Variants in GRID1 observed in about 807,000 individuals in gnomAD.
GRID1 encodes the protein glutamate receptor ionotropic, delta-1.
Under a neutral mutation model 98.0 loss-of-function variants are expected in GRID1, and 28 were observed. The observed-to-expected ratio is 0.29, with a 90% CI of 0.21 to 0.39. GRID1 has a LOEUF of 0.39. Ranked by LOEUF, GRID1 falls within the 10% of genes least tolerant of loss-of-function variation. The probability of loss-of-function intolerance (pLI) is 1.00; values close to 1 mark genes in which losing one functional copy is unlikely to be tolerated. For synonymous variants in GRID1, 553 were observed against 538.5 expected (o/e 1.03, Z -0.37); for missense variants, 1,111 against 1,340.5 (o/e 0.83, Z 2.67).
chr10:86,366,379 G>A lies in GRID1; in HGVS notation c.14C>T (p.Thr5Met). Reference protein sequence around the residue: MEALTLWLLPWICQC... With the variant: MEALMLWLLPWICQC... Reference sequence around the variant, plus strand: ...GCATATCCAGGGGAGAAGCCACAGCGTCAGCGCTTCCATGTCCCCCGGGCG... The same window carrying A: ...GCATATCCAGGGGAGAAGCCACAGCATCAGCGCTTCCATGTCCCCCGGGCG... The change falls in exon 1 of 16, where the codon ACG becomes ATG. Residue 5 changes from threonine (T) to methionine (M), a missense_variant. Transcript: ENST00000327946. This position sits in a 1 kb window ranked among gnomAD's most constrained non-coding sequence, Gnocchi z 4.1. The A allele has an allele frequency of 6.6e-7, 1 of 1,511,300 alleles. No homozygotes were observed. Among genetic ancestry groups the A allele is most frequent in the Non-Finnish European group, 8.9e-7 (1 of 1,127,106 alleles). 93.6% of individuals were successfully genotyped at this position (1,511,300 alleles called of 1,614,324 possible). A position where few individuals can be genotyped will look rare whatever the true frequency, so the allele number is the denominator to read the frequency against.
intron 2 of GRID1, among the ~76,000 whole-genome samples, chr10:86,303,999 C>T (rs935301855): frequency 1.3e-5 from 2 of 152,200 alleles, no homozygotes; most frequent in African/African-American, 2.4e-5. Context: ...ATGGTTTTTC[C>T]TATCTCCATC....
At chr10:85,798,984 G>A (rs1184381608) in intron 8 of GRID1, among the ~76,000 whole-genome samples, 1 of 151,806 alleles carries the variant, frequency 6.6e-6, no homozygotes. Context: ...CATAGTTTGG[G>A]GGTCTAACAT....
intron 4 of GRID1, among the ~76,000 whole-genome samples, chr10:86,027,333 A>C (rs1390598529): frequency 6.6e-6 from 1 of 152,186 alleles, no homozygotes; most frequent in Non-Finnish European, 1.5e-5. Flanking sequence ...TTTCATATTA[A>C]TGCAGTCATG....
chr10:86,114,199 G>A (rs577406899), intron 4 of GRID1, among the ~76,000 whole-genome samples: 12 of 152,184 alleles, frequency 7.9e-5, no homozygotes, highest in South Asian at 2.1e-4. Context: ...TGCAGTATAC[G>A]TTCCTGGCTC....
chr10:85,865,041 C>T (rs928827715), intron 6 of GRID1, among the ~76,000 whole-genome samples: 3 of 152,170 alleles, frequency 2.0e-5, no homozygotes, highest in Non-Finnish European at 2.9e-5. Context: ...GAGTACGTTA[C>T]AGATTCTCCT....
At chr10:85,920,031 C>T (rs1009497092) in intron 4 of GRID1, among the ~76,000 whole-genome samples, 1 of 152,114 alleles carries the variant, frequency 6.6e-6, no homozygotes, top group Non-Finnish European at 1.5e-5. Flanking sequence ...CCCAGAGTGC[C>T]ACGAAAACAA....
intron 12 of GRID1, among the ~76,000 whole-genome samples, chr10:85,663,861 T>C (rs944864470): frequency 6.6e-6 from 1 of 152,202 alleles, no homozygotes; most frequent in African/African-American, 2.4e-5. Context: ...CAAGGTAATG[T>C]TACTGTAGCA....
intron 2 of GRID1, among the ~76,000 whole-genome samples, chr10:86,228,356 GTCTGACCTTGC>G (rs899153178): frequency 6.6e-6 from 1 of 151,732 alleles, no homozygotes; most frequent in Admixed American, 6.6e-5. Context: ...ATCAGAGGAA[GTCTGACCTTGC>G]TCTGGCCTTG....
intron 4 of GRID1, among the ~76,000 whole-genome samples, chr10:86,096,131 T>C (rs912326072): frequency 2.0e-5 from 3 of 152,174 alleles, no homozygotes; most frequent in African/African-American, 4.8e-5. Context: ...CTCACTGATA[T>C]GTGGGAGCTA....
intron 3 of GRID1, among the ~76,000 whole-genome samples, chr10:86,182,206 G>A (rs1283251519): frequency 6.6e-6 from 1 of 152,190 alleles, no homozygotes; most frequent in East Asian, 1.9e-4. Flanking sequence ...CTTCCCCGTA[G>A]CCTAACCCTG....
At chr10:85,976,170 A>T (rs1842470061) in intron 4 of GRID1, among the ~76,000 whole-genome samples, 1 of 152,112 alleles carries the variant, frequency 6.6e-6, no homozygotes, top group Non-Finnish European at 1.5e-5. Context: ...TATTTTCTCT[A>T]ATTTGATTAT....
intron 2 of GRID1, among the ~76,000 whole-genome samples, chr10:86,219,013 G>T (rs1336804146): frequency 6.6e-6 from 1 of 152,202 alleles, no homozygotes; most frequent in African/African-American, 2.4e-5. Flanking sequence ...CAAACCATAG[G>T]CAATGGCAGC....
intron 8 of GRID1, among the ~76,000 whole-genome samples, chr10:85,743,244 C>A (rs1480015449): frequency 6.6e-6 from 1 of 151,922 alleles, no homozygotes; most frequent in Non-Finnish European, 1.5e-5. Flanking sequence ...TCCAGCCTTC[C>A]AATCACCTCT....
chr10:86,131,463 C>A (rs986492602), intron 4 of GRID1, among the ~76,000 whole-genome samples: 7 of 152,186 alleles, frequency 4.6e-5, no homozygotes, highest in African/African-American at 1.7e-4. Context: ...CACTCTGCTC[C>A]GCTATTTAAT....
chr10:86,191,307 C>T lies in GRID1; in HGVS notation c.520+15057G>A, dbSNP rs574426095. On this transcript the variant is annotated intron_variant, in intron 3 of 15. Coordinates refer to ENST00000327946, the MANE Select transcript of GRID1 (RefSeq NM_017551.3). ...AGAGGAAACTTCCAAAACAAGGAGA[C>T]GCTCAAATAAGTCTTGAGGATGGAG... is the stretch of plus-strand genomic sequence containing the variant. Among the ~76,000 whole-genome samples, 10 of 152,230 alleles carry T rather than the reference C, an allele frequency of 6.6e-5. No individual in the cohort carries two copies. In the South Asian group the frequency reaches 8.3e-4, roughly 13 times the overall value.
intron 4 of GRID1, among the ~76,000 whole-genome samples, chr10:86,022,683 C>T (rs936016734): frequency 1.3e-5 from 2 of 151,978 alleles, no homozygotes; most frequent in African/African-American, 4.8e-5. Flanking sequence ...TTTGGGAGGC[C>T]GAGGAGGGTA....
chr10:85,996,560 TA>T (rs1842740731), intron 4 of GRID1, among the ~76,000 whole-genome samples: 2 of 152,072 alleles, frequency 1.3e-5, no homozygotes. Context: ...AATATATTTT[TA>T]AAAATGAACA....
intron 4 of GRID1, among the ~76,000 whole-genome samples, chr10:85,987,284 G>T (rs1842620093): frequency 6.7e-6 from 1 of 150,064 alleles, no homozygotes; most frequent in East Asian, 2.0e-4. Flanking sequence ...CCTCACAAGA[G>T]GCCTTACCTC....
At chr10:85,902,133 C>G (rs1466954336) in intron 5 of GRID1, among the ~76,000 whole-genome samples, 1 of 152,204 alleles carries the variant, frequency 6.6e-6, no homozygotes, top group Non-Finnish European at 1.5e-5. Flanking sequence ...GCAGCTCCCT[C>G]TTATCCTCGG....
Sources: allele counts gnomAD v4.1 joint callset (sites outside exome capture counted in the v4.1 genomes callset), GRCh38; gene constraint gnomAD v4.1.1; non-coding constraint Gnocchi (gnomAD v3.1); transcripts MANE v1.5; gene names NCBI Gene and HGNC (gene_info 2026-07-23, HGNC 2026-07-21).